Variants in DGKH observed in about 807,000 individuals in gnomAD.
DGKH encodes DAG kinase eta.
Under a neutral mutation model 159.3 loss-of-function variants are expected in DGKH, and 90 were observed. The observed-to-expected ratio is 0.57, with a 90% CI of 0.48 to 0.67. The LOEUF (loss-of-function observed/expected upper bound fraction) is 0.67. Ranked by LOEUF, DGKH falls within the 30% of genes least tolerant of loss-of-function variation. DGKH has a pLI of 0.00. For missense variants in DGKH, 1,181 were observed against 1,506.1 expected, an observed-to-expected ratio of 0.78 and a Z score of 3.57; for synonymous variants, 536 against 553.8, an observed-to-expected ratio of 0.97 and a Z score of 0.45.
chr13:42,172,221 C>T (rs75199012), intron 11 of DGKH, among the ~76,000 whole-genome samples: 4,448 of 152,122 alleles, frequency 0.029, 220 homozygotes, highest in African/African-American at 0.1. Context: ...AAGCGATACT[C>T]CTGCCTCAGC....
At chr13:42,110,529 C>T (rs923958099) in intron 1 of DGKH, among the ~76,000 whole-genome samples, 1 of 152,006 alleles carries the variant, frequency 6.6e-6, no homozygotes, top group African/African-American at 2.4e-5. Context: ...AGGGATTATT[C>T]TTGGATGTGA....
At chr13:42,226,129 G>A (rs1958125576) in intron 29 of DGKH, among the ~76,000 whole-genome samples, 1 of 152,082 alleles carries the variant, frequency 6.6e-6, no homozygotes, top group African/African-American at 2.4e-5. Flanking sequence ...CCATTAAAAA[G>A]TGAGCAAAGG....
intron 3 of DGKH, 71 bp downstream of exon 3, chr13:42,129,703 C>T (rs2137846736): frequency 6.5e-6 from 9 of 1,383,592 alleles, no homozygotes; most frequent in South Asian, 3.8e-5. Context: ...GTACAGAATG[C>T]CCTGTTCAAT....
At chr13:42,168,585 A>C (rs767885309) in intron 10 of DGKH, 37 bp downstream of exon 10, 1 of 1,613,768 alleles carries the variant, frequency 6.2e-7, no homozygotes, top group Admixed American at 1.7e-5. Context: ...GTTAACATGA[A>C]TGCATACTAA....
At position 42,242,119 on chromosome 13, in the gene DGKH, A is replaced by G. The variant is rs897095915; in HGVS notation, c.*12931A>G. 2 of 152,250 alleles carry G rather than the reference A, an allele frequency of 1.3e-5. No individual in the cohort carries two copies. The highest frequency in any genetic ancestry group is 2.9e-5 in the Non-Finnish European group (2 of 68,040). The allele number at this position is 152,250 out of a possible 1,614,324, so 9.4% of individuals were successfully genotyped here. A position where few individuals can be genotyped will look rare whatever the true frequency, so the allele number is the denominator to read the frequency against. On this transcript the variant is annotated 3_prime_UTR_variant, in exon 30 of 30. Transcript: ENST00000337343. Reference sequence around the variant, plus strand: ...AAGGTCCACAAAAGGAGGAGGCTCAAAAGATTGGACACTTTACCCTGACAT... The same window carrying G: ...AAGGTCCACAAAAGGAGGAGGCTCAGAAGATTGGACACTTTACCCTGACAT...
At chr13:42,198,976 C>G (rs1957278465) in intron 18 of DGKH, among the ~76,000 whole-genome samples, 1 of 152,188 alleles carries the variant, frequency 6.6e-6, no homozygotes, top group Non-Finnish European at 1.5e-5. Context: ...ACACTGATCT[C>G]TTCCCTTCTT....
chr13:42,113,623 G>A (rs959582040), intron 1 of DGKH, among the ~76,000 whole-genome samples: 10 of 152,306 alleles, frequency 6.6e-5, no homozygotes, highest in African/African-American at 2.4e-4. Context: ...AAGTTTGGAG[G>A]CTGATACGAA....
chr13:42,160,198 A>T lies in DGKH; in HGVS notation c.855+62A>T, dbSNP rs539696991. On this transcript the variant is annotated intron_variant, in intron 7 of 29. Transcript: ENST00000337343. The stretch of plus-strand genomic sequence containing the variant: ...GCTTCTTTCCCTAACTTTGTCATCC[A>T]CGTGGTTTAGAGGCAAAGCAAAGAA... The T allele has an allele frequency of 1.6e-5, 25 of 1,611,440 alleles. No individual in the cohort carries two copies. The African/African-American group carries it at 2.3e-4, about 15-fold the overall frequency.
intron 30 of DGKH, among the ~76,000 whole-genome samples, chr13:42,254,798 T>G (rs1216296916): frequency 6.6e-6 from 1 of 152,192 alleles, no homozygotes; most frequent in Non-Finnish European, 1.5e-5. Context: ...TAATATAAAT[T>G]CTGGATGAAT....
At chr13:42,060,438 AG>A (rs1284875521) in intron 1 of DGKH, among the ~76,000 whole-genome samples, 1 of 152,102 alleles carries the variant, frequency 6.6e-6, no homozygotes, top group Non-Finnish European at 1.5e-5. Context: ...CATTTCCTGT[AG>A]GGGGTCCCCT....
chr13:42,161,790 AAAAAG>A (rs959797883), intron 7 of DGKH, among the ~76,000 whole-genome samples: 3 of 152,114 alleles, frequency 2.0e-5, no homozygotes, highest in East Asian at 3.9e-4. Flanking sequence ...TCAAAAAAAA[AAAAAG>A]AAAAGAAAAG....
At chr13:42,056,910 T>C (rs1881803053) in intron 1 of DGKH, among the ~76,000 whole-genome samples, 2 of 152,210 alleles carry the variant, frequency 1.3e-5, no homozygotes, top group Non-Finnish European at 2.9e-5. Flanking sequence ...GTTTAATCCA[T>C]GAGCATATCT....
chr13:42,155,237 A>C, intron 3 of DGKH, 54 bp from the exon 4 acceptor site: 1 of 1,404,256 alleles, frequency 7.1e-7, no homozygotes. Context: ...TAGGTTTTGC[A>C]ACAATCTTTC....
chr13:42,251,465 A>T (rs895412931), intron 29 of DGKH, among the ~76,000 whole-genome samples: 1 of 152,108 alleles, frequency 6.6e-6, no homozygotes, highest in Admixed American at 6.6e-5. Flanking sequence ...ATACCCACTC[A>T]TGTCTGTTCT....
intron 1 of DGKH, among the ~76,000 whole-genome samples, chr13:42,093,185 A>G (rs1954454387): frequency 1.3e-5 from 2 of 151,794 alleles, no homozygotes; most frequent in Non-Finnish European, 2.9e-5. Context: ...TGGAGGTTGC[A>G]GTGAACTGAG....
At chr13:42,070,681 C>T (rs545971077) in intron 1 of DGKH, 65 of 1,612,234 alleles carry the variant, frequency 4.0e-5, no homozygotes, top group East Asian at 3.6e-4. Flanking sequence ...CTTGAGCCCC[C>T]GTAGCAGCTG....
chr13:42,211,350 T>G (rs1957653814), intron 24 of DGKH, among the ~76,000 whole-genome samples: 1 of 152,154 alleles, frequency 6.6e-6, no homozygotes, highest in African/African-American at 2.4e-5. Context: ...ATTGTATTAG[T>G]CCATTTTCAT....
Position 42,198,461 on chromosome 13 carries a change from T to C in DGKH, c.2168-17T>C. 6.2e-7 allele frequency: 1 copy of C among 1,607,492 alleles called. No individual in the cohort carries two copies. The highest frequency in any genetic ancestry group is 8.5e-7 in the Non-Finnish European group (1 of 1,175,106). On this transcript the variant is annotated splice_polypyrimidine_tract_variant and intron_variant, in intron 17 of 29. Coordinates refer to ENST00000337343, the MANE Select transcript of DGKH (RefSeq NM_178009.5). Reference sequence around the variant, plus strand: ...TTCTTAACATGCGATCCCATATGTGTTTGCTTTTCTTTCCAGGTTTAAGAG... The same window carrying C: ...TTCTTAACATGCGATCCCATATGTGCTTGCTTTTCTTTCCAGGTTTAAGAG...
In DGKH at chr13:42,058,616, G is replaced by A. The variant is rs538196415; in HGVS notation, c.192+9651G>A. 1.1e-3 allele frequency among the ~76,000 whole-genome samples: 174 copies of A among 152,314 alleles called. 2 individuals are homozygous for A. Among genetic ancestry groups the A allele is most frequent in the African/African-American group, 4.0e-3 (167 of 41,556 alleles). On this transcript the variant is annotated intron_variant, in intron 1 of 29. Transcript: ENST00000337343. ...AGATGACCTCAGACATGTTACTTAA[G>A]GGGGCAGAGAATGCTGTGCCCACTG...
Sources: allele counts gnomAD v4.1 joint callset (sites outside exome capture counted in the v4.1 genomes callset), GRCh38; gene constraint gnomAD v4.1.1; transcripts MANE v1.5; gene names NCBI Gene and HGNC (gene_info 2026-07-23, HGNC 2026-07-21).